Variants in ANKS1B observed in about 807,000 individuals in gnomAD.
ANKS1B encodes ankyrin repeat and sterile alpha motif domain-containing protein 1B.
In ANKS1B, 36 loss-of-function variants were observed where a neutral mutation model predicts 148.3. The observed-to-expected ratio is 0.24, with a 90% CI of 0.19 to 0.32. The LOEUF is 0.32. ANKS1B is among the 10% of genes least tolerant of loss of function. The pLI is 1.00. For synonymous variants in ANKS1B, 542 were observed against 560.8 expected, an observed-to-expected ratio of 0.97 and a Z score of 0.47; for missense variants, 1,157 against 1,542.6, an observed-to-expected ratio of 0.75 and a Z score of 4.19.
intron 12 of ANKS1B, among the ~76,000 whole-genome samples, chr12:99,366,442 T>C (rs1229316533): frequency 6.6e-6 from 1 of 152,162 alleles, no homozygotes; most frequent in Non-Finnish European, 1.5e-5. Context: ...CTCTCTGCTT[T>C]ATATCCCTGT....
intron 1 of ANKS1B, among the ~76,000 whole-genome samples, chr12:99,974,714 T>A (rs2095604870): frequency 6.6e-6 from 1 of 151,938 alleles, no homozygotes; most frequent in South Asian, 2.1e-4. Context: ...GGAGGATCAC[T>A]TGAGCCCTCA....
intron 8 of ANKS1B, among the ~76,000 whole-genome samples, chr12:99,681,043 T>C (rs140375707): frequency 6.6e-6 from 1 of 152,224 alleles, no homozygotes; most frequent in African/African-American, 2.4e-5. Flanking sequence ...GGCCTCCACT[T>C]GATGATTTTT....
intron 17 of ANKS1B, among the ~76,000 whole-genome samples, chr12:99,033,838 C>T (rs924787073): frequency 6.6e-6 from 1 of 152,146 alleles, no homozygotes; most frequent in South Asian, 2.1e-4. Context: ...TATTTTAGAT[C>T]CCCCTTCCGC....
intron 17 of ANKS1B, among the ~76,000 whole-genome samples, chr12:98,860,896 A>G (rs2099596033): frequency 6.6e-6 from 1 of 152,136 alleles, no homozygotes; most frequent in Non-Finnish European, 1.5e-5. Context: ...AAAAAAGAAA[A>G]AGACTTCCTC....
At chr12:98,803,689 G>A (rs1010274069) in intron 20 of ANKS1B, among the ~76,000 whole-genome samples, 3 of 152,180 alleles carry the variant, frequency 2.0e-5, no homozygotes, top group African/African-American at 7.2e-5. Flanking sequence ...TGAGTTGCAG[G>A]GCCAGGGCTG....
At chr12:99,247,550 C>A (rs767848143) in intron 12 of ANKS1B, among the ~76,000 whole-genome samples, 1 of 152,116 alleles carries the variant, frequency 6.6e-6, no homozygotes, top group South Asian at 2.1e-4. Context: ...CTTTTTCTTT[C>A]TTCTCTGAAA....
intron 4 of ANKS1B, among the ~76,000 whole-genome samples, chr12:99,785,105 A>T (rs1412706475): frequency 6.6e-6 from 1 of 152,180 alleles, no homozygotes; most frequent in Non-Finnish European, 1.5e-5. Flanking sequence ...ACAATTTGTG[A>T]GTAGTGCAGG....
intron 14 of ANKS1B, among the ~76,000 whole-genome samples, chr12:99,228,091 T>C (rs935899631): frequency 4.6e-5 from 7 of 152,070 alleles, no homozygotes; most frequent in Middle Eastern, 3.2e-3. Context: ...GATAAAAGTA[T>C]GAGCCATGGA....
At chr12:99,549,467 G>A (rs924599514) in intron 9 of ANKS1B, among the ~76,000 whole-genome samples, 2 of 152,160 alleles carry the variant, frequency 1.3e-5, no homozygotes, top group Non-Finnish European at 2.9e-5. Context: ...ATGCTAAGAT[G>A]AATTTATTTT....
intron 10 of ANKS1B, among the ~76,000 whole-genome samples, chr12:99,464,183 G>A (rs138208724): frequency 6.6e-6 from 1 of 152,178 alleles, no homozygotes; most frequent in East Asian, 1.9e-4. Flanking sequence ...GGCAAACAGG[G>A]TCTGGAGTGG....
chr12:99,026,113 C>T (rs1000350840), intron 17 of ANKS1B, among the ~76,000 whole-genome samples: 6 of 152,224 alleles, frequency 3.9e-5, no homozygotes, highest in Middle Eastern at 3.4e-3. Flanking sequence ...TATGTATCTA[C>T]GGATATATTT....
At chr12:99,499,622 C>T (rs2096636654) in intron 10 of ANKS1B, among the ~76,000 whole-genome samples, 2 of 151,984 alleles carry the variant, frequency 1.3e-5, no homozygotes, top group Non-Finnish European at 2.9e-5. Flanking sequence ...TGCTTAGAAT[C>T]CCAACACAGA....
chr12:98,752,048 ATAAT>A (rs1160775456), intron 25 of ANKS1B, among the ~76,000 whole-genome samples: 1 of 152,180 alleles, frequency 6.6e-6, no homozygotes, highest in African/African-American at 2.4e-5. Context: ...GAAACTCAAA[ATAAT>A]TCAACTGTTT....
chr12:99,335,657 T>C (rs894620035), intron 12 of ANKS1B, among the ~76,000 whole-genome samples: 1 of 152,144 alleles, frequency 6.6e-6, no homozygotes, highest in Admixed American at 6.6e-5. Flanking sequence ...GTCCCATCCA[T>C]ATTGTTGCAA....
chr12:99,690,298 C>T (rs2098672502), intron 8 of ANKS1B, among the ~76,000 whole-genome samples: 1 of 152,056 alleles, frequency 6.6e-6, no homozygotes, highest in Admixed American at 6.6e-5. Context: ...ATCATTCCAC[C>T]CCTGGCCCCT....
chr12:99,524,401 A>G (rs530997814), intron 9 of ANKS1B, among the ~76,000 whole-genome samples: 1 of 152,242 alleles, frequency 6.6e-6, no homozygotes, highest in South Asian at 2.1e-4. Context: ...TAGCAAAAGG[A>G]ACTTTGCAGA....
At chr12:99,347,803 C>A (rs1415382677) in intron 12 of ANKS1B, among the ~76,000 whole-genome samples, 1 of 150,810 alleles carries the variant, frequency 6.6e-6, no homozygotes, top group African/African-American at 2.4e-5. Flanking sequence ...ATTAGACTTC[C>A]AAAAAAAATA....
chr12:98,805,299 C>A (rs2099041632), intron 20 of ANKS1B, among the ~76,000 whole-genome samples: 1 of 74,524 alleles, frequency 1.3e-5, no homozygotes. Flanking sequence ...TATATGTATG[C>A]TTAAGGCCTT....
chr12:99,155,942 G>C (rs1478585865), intron 14 of ANKS1B, among the ~76,000 whole-genome samples: 5 of 152,124 alleles, frequency 3.3e-5, no homozygotes. Flanking sequence ...AGCACAGATT[G>C]AGAACAGTGC....
Sources: allele counts gnomAD v4.1 joint callset (sites outside exome capture counted in the v4.1 genomes callset), GRCh38; gene constraint gnomAD v4.1.1; transcripts MANE v1.5; gene names NCBI Gene and HGNC (gene_info 2026-07-23, HGNC 2026-07-21).